EIF4ENIF1: variants seen among roughly 807,000 people sequenced by gnomAD.
EIF4ENIF1 encodes eukaryotic translation initiation factor 4E nuclear import factor 1.
EIF4ENIF1 carries 23 observed loss-of-function variants against 110.5 expected under a neutral mutation model. The ratio of observed to expected loss-of-function variants is 0.21; its 90% CI spans 0.15 to 0.29. EIF4ENIF1 has a LOEUF of 0.29. Ranked by LOEUF, EIF4ENIF1 falls within the 10% of genes least tolerant of loss-of-function variation. The pLI, the probability that EIF4ENIF1 is intolerant of heterozygous loss-of-function variation, is 1.00. For synonymous variants in EIF4ENIF1, 440 were observed against 437.0 expected, an observed-to-expected ratio of 1.01 and a Z score of -0.09; for missense variants, 1,031 against 1,221.1, an observed-to-expected ratio of 0.84 and a Z score of 2.32.
intron 2 of EIF4ENIF1, among the ~76,000 whole-genome samples, chr22:31,472,597 C>T (rs148298731): frequency 6.6e-6 from 1 of 152,054 alleles, no homozygotes; most frequent in East Asian, 1.9e-4. Flanking sequence ...TGTAATGTTG[C>T]AAGACTGAAA....
chr22:31,441,762 C>A lies in EIF4ENIF1; in HGVS notation c.2551+12G>T. 1 of 1,600,366 alleles carries A rather than the reference C, an allele frequency of 6.2e-7. No individual in the cohort carries two copies. The highest frequency in any genetic ancestry group is 8.5e-7 in the Non-Finnish European group (1 of 1,171,298). On this transcript the variant is annotated intron_variant, in intron 17 of 18. Transcript: ENST00000330125. Reference sequence around the variant, plus strand: ...ACAAACTGACGACACCCAAGTCAGGCTGGAAACTCACCAGTTTGGAGCAAA... The same window carrying A: ...ACAAACTGACGACACCCAAGTCAGGATGGAAACTCACCAGTTTGGAGCAAA...
At position 31,459,124 on chromosome 22, in the gene EIF4ENIF1, C is replaced by T. The variant is rs190840721; in HGVS notation, c.788-474G>A. Among the ~76,000 whole-genome samples the T allele has an allele frequency of 6.4e-3, 979 of 151,998 alleles. 6 individuals carry two copies. Among genetic ancestry groups the T allele is most frequent in the Middle Eastern group, 0.014 (4 of 294 alleles). On this transcript the variant is annotated intron_variant, in intron 6 of 18. Transcript: ENST00000330125. Reference sequence around the variant, plus strand: ...TTAATTTTTTGTAGAGACTGAGTCTCGCTAAATTGCACAGCCTGGACTTAA... The same window carrying T: ...TTAATTTTTTGTAGAGACTGAGTCTTGCTAAATTGCACAGCCTGGACTTAA...
chr22:31,469,005 C>G (rs1688216174), intron 3 of EIF4ENIF1, among the ~76,000 whole-genome samples: 1 of 152,186 alleles, frequency 6.6e-6, no homozygotes, highest in South Asian at 2.1e-4. Flanking sequence ...GAAGTAGCAC[C>G]TGGATCATTT....
At chr22:31,441,209 C>T (rs146649450) in intron 17 of EIF4ENIF1, among the ~76,000 whole-genome samples, 115 of 151,956 alleles carry the variant, frequency 7.6e-4, no homozygotes, top group African/African-American at 2.6e-3. Flanking sequence ...GCAGAGATCG[C>T]GCCACTGCAC....
intron 8 of EIF4ENIF1, 74 bp downstream of exon 8, chr22:31,455,778 A>G (rs2050795233): frequency 4.4e-6 from 7 of 1,580,874 alleles, no homozygotes; most frequent in Non-Finnish European, 6.1e-6. Context: ...ACTCCTGACT[A>G]ATGAAGATAA....
At position 31,443,195 on chromosome 22, in the gene EIF4ENIF1, A is replaced by G. The variant is rs904920056; in HGVS notation, c.2074-101T>C. On this transcript the variant is annotated intron_variant, in intron 15 of 18. Coordinates refer to ENST00000330125, the MANE Select transcript of EIF4ENIF1 (RefSeq NM_019843.4). ...AAGATACTCAACAAAGAGTCCCCACATTGGTAGCATAGGCCAACTGTAGTA... is the reference window on the plus strand; with the variant it reads ...AAGATACTCAACAAAGAGTCCCCACGTTGGTAGCATAGGCCAACTGTAGTA... The G allele has an allele frequency of 2.2e-5, 33 of 1,493,192 alleles. No homozygotes were observed. In the Admixed American group the frequency reaches 4.9e-4, roughly 22 times the overall value. 92.5% of individuals were successfully genotyped at this position (1,493,192 alleles called of 1,614,324 possible). A position where few individuals can be genotyped will look rare whatever the true frequency, so the allele number is the denominator to read the frequency against.
At chr22:31,472,893 C>G (rs2051433015) in intron 2 of EIF4ENIF1, among the ~76,000 whole-genome samples, 1 of 152,128 alleles carries the variant, frequency 6.6e-6, no homozygotes, top group Non-Finnish European at 1.5e-5. Context: ...CCACTCTGCT[C>G]TGCTATCAAA....
chr22:31,468,426 GCT>G (rs1317834694), intron 3 of EIF4ENIF1, 124 bp from the exon 4 acceptor site: 1 of 1,366,718 alleles, frequency 7.3e-7, no homozygotes. Context: ...ACAGGGTCTC[GCT>G]CTGTCGCCCA....
chr22:31,478,355 A>C (rs2051670256), intron 2 of EIF4ENIF1, among the ~76,000 whole-genome samples: 1 of 139,794 alleles, frequency 7.2e-6, no homozygotes, highest in Non-Finnish European at 1.6e-5. Context: ...TCTACTAAAA[A>C]TAAAAAAACT....
At chr22:31,477,378 A>C (rs1027922376) in intron 2 of EIF4ENIF1, among the ~76,000 whole-genome samples, 3 of 145,860 alleles carry the variant, frequency 2.1e-5, no homozygotes, top group East Asian at 2.0e-4. Context: ...AAAAAAACAA[A>C]AAAAACAAAA....
intron 16 of EIF4ENIF1, 119 bp from the exon 17 acceptor site, chr22:31,442,237 G>C: frequency 1.3e-6 from 1 of 790,350 alleles, no homozygotes. Context: ...CCCTTAACAA[G>C]TTTAGAGGAC....
chr22:31,472,196 A>G (rs1263085538), intron 2 of EIF4ENIF1, among the ~76,000 whole-genome samples: 1 of 152,202 alleles, frequency 6.6e-6, no homozygotes, highest in Non-Finnish European at 1.5e-5. Context: ...CAAGGCAAGG[A>G]AACTTTAGTG....
chr22:31,445,953 G>GC (rs541255413), intron 14 of EIF4ENIF1, among the ~76,000 whole-genome samples: 8,452 of 97,272 alleles, frequency 0.087, 707 homozygotes, highest in African/African-American at 0.14. Flanking sequence ...GTTACGTACC[G>GC]CCCCCCCCCC....
chr22:31,451,069 TG>T (rs2050658186), intron 10 of EIF4ENIF1: 1 of 152,100 alleles, frequency 6.6e-6, no homozygotes, highest in Non-Finnish European at 1.5e-5. Context: ...TTTGTAGAGA[TG>T]GGGTTTTGCC....
intron 2 of EIF4ENIF1, among the ~76,000 whole-genome samples, chr22:31,480,433 T>C (rs1407455244): frequency 6.6e-6 from 1 of 152,230 alleles, no homozygotes; most frequent in Admixed American, 6.5e-5. Context: ...GAATTTCACA[T>C]AAGTCACATT....
chr22:31,476,869 G>A (rs963521825), intron 2 of EIF4ENIF1, among the ~76,000 whole-genome samples: 2 of 151,268 alleles, frequency 1.3e-5, no homozygotes, highest in African/African-American at 4.9e-5. Context: ...GTGTGGGGGT[G>A]CACACCTGTA....
In EIF4ENIF1 at chr22:31,456,314, C is replaced by T. The variant is rs546792967; in HGVS notation, c.964-327G>A. ...TCTCGGCTCACTGCAAGCTCCGCCT[C>T]CCGGGTTCACACCATTCTCCTGCCT... On this transcript the variant is annotated intron_variant, in intron 7 of 18. Coordinates refer to ENST00000330125, the MANE Select transcript of EIF4ENIF1 (RefSeq NM_019843.4). Among the ~76,000 whole-genome samples, 112 of 151,446 alleles carry T rather than the reference C, an allele frequency of 7.4e-4. 1 individual carries two copies. The highest frequency in any genetic ancestry group is 2.5e-3 in the African/African-American group (105 of 41,230).
intron 12 of EIF4ENIF1, 101 bp from the exon 13 acceptor site, chr22:31,448,333 G>A: frequency 8.6e-7 from 1 of 1,167,764 alleles, no homozygotes; most frequent in South Asian, 1.3e-5. Context: ...GCCATCTCTT[G>A]GAAAGCACTG....
At chr22:31,477,605 G>A (rs999902909) in intron 2 of EIF4ENIF1, among the ~76,000 whole-genome samples, 12 of 152,162 alleles carry the variant, frequency 7.9e-5, no homozygotes, top group African/African-American at 2.9e-4. Flanking sequence ...GTGAACAGAT[G>A]TACAAACTTC....
Sources: gnomAD v4.1 joint callset for allele counts (sites outside exome capture counted in the v4.1 genomes callset) on GRCh38, gnomAD v4.1.1 for gene constraint, MANE v1.5 for transcripts, NCBI Gene and HGNC (gene_info 2026-07-23, HGNC 2026-07-21) for gene names.